The following ANKRD44 variants were observed in gnomAD, a reference collection of about 807,000 sequenced individuals.
ANKRD44 encodes ankyrin repeat domain 44.
ANKRD44 carries 35 observed loss-of-function variants against 116.0 expected under a neutral mutation model. The observed-to-expected ratio is 0.30, with a 90% CI of 0.23 to 0.40. The LOEUF is 0.40. Among genes scored for constraint, ANKRD44 ranks in the 10% least tolerant of loss-of-function variants. The pLI is 1.00. For synonymous variants in ANKRD44, 435 were observed against 461.8 expected, an observed-to-expected ratio of 0.94 and a Z score of 0.74; for missense variants, 1,014 against 1,242.6, an observed-to-expected ratio of 0.82 and a Z score of 2.77.
intron 14 of ANKRD44, among the ~76,000 whole-genome samples, chr2:197,081,970 G>GT (rs2077808145): frequency 1.3e-5 from 2 of 152,080 alleles, no homozygotes; most frequent in Admixed American, 1.3e-4. Context: ...AGCAATTAAG[G>GT]TAACAATCAA....
intron 21 of ANKRD44, among the ~76,000 whole-genome samples, chr2:196,968,114 T>C (rs1241354815): frequency 6.6e-6 from 1 of 152,164 alleles, no homozygotes; most frequent in Non-Finnish European, 1.5e-5. Context: ...TTACCCAGCC[T>C]CAGATATTTC....
At chr2:197,132,122 T>C (rs796199102) in intron 4 of ANKRD44, among the ~76,000 whole-genome samples, 5 of 152,224 alleles carry the variant, frequency 3.3e-5, no homozygotes, top group African/African-American at 1.2e-4. Context: ...AAAAGGAGAA[T>C]GAGTTCAGAG....
intron 2 of ANKRD44, among the ~76,000 whole-genome samples, chr2:197,164,350 G>A (rs1410807540): frequency 6.6e-6 from 1 of 152,200 alleles, no homozygotes; most frequent in East Asian, 1.9e-4. Context: ...AGGGGCGGGA[G>A]GCGCAGCTGC....
At chr2:197,020,642 C>T (rs149661775) in intron 17 of ANKRD44, among the ~76,000 whole-genome samples, 1 of 152,276 alleles carries the variant, frequency 6.6e-6, no homozygotes, top group African/African-American at 2.4e-5. Flanking sequence ...ATAAAATTCG[C>T]TTTGTTTCTT....
chr2:197,124,132 T>C (rs1359588049), intron 6 of ANKRD44, among the ~76,000 whole-genome samples: 3 of 152,204 alleles, frequency 2.0e-5, no homozygotes, highest in Non-Finnish European at 2.9e-5. Flanking sequence ...AGTCATTTCA[T>C]ATGCTTCAGC....
At chr2:197,087,391 A>AT in intron 12 of ANKRD44, among the ~76,000 whole-genome samples, 1 of 152,312 alleles carries the variant, frequency 6.6e-6, no homozygotes, top group East Asian at 1.9e-4. Context: ...CATCAAAGTG[A>AT]TTTTTCCTAT....
chr2:197,300,387 C>T (rs907264414), intron 1 of ANKRD44, among the ~76,000 whole-genome samples: 2 of 152,222 alleles, frequency 1.3e-5, no homozygotes, highest in African/African-American at 4.8e-5. Context: ...CATTCCCTTC[C>T]TCAAGTACCG....
chr2:197,157,675 CAAAAAA>C (rs35588359), intron 2 of ANKRD44, among the ~76,000 whole-genome samples: 1 of 83,088 alleles, frequency 1.2e-5, no homozygotes. Flanking sequence ...GAGACTCTGT[CAAAAAA>C]AAAAAAAAAA....
chr2:197,061,874 A>C (rs1398452604), intron 16 of ANKRD44, among the ~76,000 whole-genome samples: 1 of 149,420 alleles, frequency 6.7e-6, no homozygotes, highest in African/African-American at 2.5e-5. Flanking sequence ...TCTGCCTTCC[A>C]GATTCAAGCA....
At chr2:197,185,361 C>T (rs1256728783) in intron 2 of ANKRD44, among the ~76,000 whole-genome samples, 2 of 152,236 alleles carry the variant, frequency 1.3e-5, no homozygotes, top group Admixed American at 6.5e-5. Context: ...ACAATGGCTA[C>T]ACCAAATGAC....
At chr2:197,195,578 G>C (rs2080929320) in intron 1 of ANKRD44, among the ~76,000 whole-genome samples, 1 of 152,136 alleles carries the variant, frequency 6.6e-6, no homozygotes, top group African/African-American at 2.4e-5. Context: ...TTTTGGCCCA[G>C]CATCTTGGCC....
At chr2:197,078,487 A>G in intron 16 of ANKRD44, 1 of 1,321,566 alleles carries the variant, frequency 7.6e-7, no homozygotes, top group African/African-American at 1.5e-5. Context: ...TGTGCTTAAA[A>G]GCCTTGGGTG....
chr2:197,270,965 T>C (rs2082882032), intron 1 of ANKRD44, among the ~76,000 whole-genome samples: 2 of 152,126 alleles, frequency 1.3e-5, no homozygotes, highest in Admixed American at 1.3e-4. Flanking sequence ...TACACATATA[T>C]ACACACACCA....
At chr2:197,016,291 G>A (rs752138225) in intron 17 of ANKRD44, among the ~76,000 whole-genome samples, 8 of 152,192 alleles carry the variant, frequency 5.3e-5, no homozygotes, top group Non-Finnish European at 7.4e-5. Flanking sequence ...TTTATCTGTC[G>A]TAGCTTTATC....
At chr2:197,170,529 A>G (rs976862747) in intron 2 of ANKRD44, among the ~76,000 whole-genome samples, 1 of 152,248 alleles carries the variant, frequency 6.6e-6, no homozygotes, top group Non-Finnish European at 1.5e-5. Context: ...CTAGAGCAAT[A>G]TTAATAATGA....
At chr2:197,158,240 A>G (rs2579381) in intron 2 of ANKRD44, among the ~76,000 whole-genome samples, 141,384 of 152,258 alleles carry the variant, frequency 0.93, 66,486 homozygotes, top group East Asian at 1. Context: ...CAATTGTTCT[A>G]TGCATGACCC....
At chr2:197,072,699 G>T (rs75803838) in intron 16 of ANKRD44, among the ~76,000 whole-genome samples, 5 of 152,136 alleles carry the variant, frequency 3.3e-5, no homozygotes, top group Non-Finnish European at 5.9e-5. Context: ...ATTTAAATCC[G>T]CAAATGTTTA....
In ANKRD44 at chr2:197,204,551, G is replaced by A. The variant is rs1574268688; in HGVS notation, c.28-17445C>T. Among the ~76,000 whole-genome samples the A allele has an allele frequency of 4.6e-5, 7 of 152,292 alleles. No homozygotes were observed. The East Asian group carries it at 1.3e-3, about 29-fold the overall frequency. ...AGAGTGGTGAAGGCTGCAACAATCTGGAGAATTTATGTCCTGTCCAAAGAT... is the reference window on the plus strand; with the variant it reads ...AGAGTGGTGAAGGCTGCAACAATCTAGAGAATTTATGTCCTGTCCAAAGAT... On this transcript the variant is annotated intron_variant, in intron 1 of 27. Coordinates refer to ENST00000282272, the MANE Select transcript of ANKRD44 (RefSeq NM_001195144.2).
intron 20 of ANKRD44, among the ~76,000 whole-genome samples, chr2:197,007,414 T>C (rs1393324351): frequency 1.3e-5 from 2 of 152,174 alleles, no homozygotes; most frequent in Non-Finnish European, 2.9e-5. Flanking sequence ...ATACATCAAA[T>C]AGTGGTTATC....
Sources: allele counts gnomAD v4.1 joint callset (sites outside exome capture counted in the v4.1 genomes callset), GRCh38; gene constraint gnomAD v4.1.1; transcripts MANE v1.5; gene names NCBI Gene and HGNC (gene_info 2026-07-23, HGNC 2026-07-21).